Variants in ZNF638 observed in about 807,000 individuals in gnomAD.
The protein encoded by ZNF638 is CTCL tumor antigen se33-1.
ZNF638 carries 46 observed loss-of-function variants against 195.6 expected under a neutral mutation model. That is an observed-to-expected ratio of 0.24 (90% CI 0.19 to 0.30). The LOEUF (loss-of-function observed/expected upper bound fraction) is 0.30. ZNF638 is among the 10% of genes least tolerant of loss of function. ZNF638 has a pLI of 1.00. For synonymous variants in ZNF638, 845 were observed against 772.0 expected (o/e 1.09, Z -1.57); for missense variants, 2,440 against 2,325.3 (o/e 1.05, Z -1.01).
At position 71,426,762 on chromosome 2, in the gene ZNF638, T is replaced by C. The variant is rs1186173154; in HGVS notation, c.4893T>C (p.Asn1631=). Residue 1631 remains asparagine (N), a synonymous_variant, in exon 24 of 28, where the codon AAT becomes AAC. Coordinates refer to ENST00000264447, the MANE Select transcript of ZNF638 (RefSeq NM_014497.5). The stretch of plus-strand genomic sequence containing the variant: ...AAGTAATTGATGAAGAAGAACTAAA[T>C]ATGGAAGAAATGGTAAAAAATTCAA... ...VDEVIDEEEL[N]MEEMVKNSNS... 6.2e-7 allele frequency: 1 copy of C among 1,613,510 alleles called. No homozygotes were observed.
chr2:71,380,342 A>C, intron 9 of ZNF638, 62 bp downstream of exon 9: 1 of 1,319,676 alleles, frequency 7.6e-7, no homozygotes, highest in Non-Finnish European at 1.0e-6. Context: ...AGAAATTTTA[A>C]TTTTTAAAAC....
rs548228712 is a variant in ZNF638 at position 71,423,379 on chromosome 2, A to G, written c.3865A>G (p.Thr1289Ala). ...CIVTLVPGIP[T>A]GDEKTVDKKN... The stretch of plus-strand genomic sequence containing the variant: ...TGTGACGTTAGTACCAGGAATTCCC[A>G]CTGGGGATGAGAAGACAGTGGACAA... Residue 1289 changes from threonine to alanine, a missense_variant, in exon 22 of 28, where the codon ACT becomes GCT. Around this residue, in one of 5 missense-constraint regions of ZNF638, gnomAD observed 1,883 missense variants for 1,739.1 expected, o/e 1.08. Coordinates refer to ENST00000264447, the MANE Select transcript of ZNF638 (RefSeq NM_014497.5). 2.5e-5 allele frequency: 41 copies of G among 1,613,996 alleles called. 1 individual carries two copies. Among genetic ancestry groups the G allele is most frequent in the Middle Eastern group, 3.3e-4 (2 of 6,062 alleles).
chr2:71,381,962 A>C (rs1450908669), intron 10 of ZNF638, among the ~76,000 whole-genome samples: 3 of 152,120 alleles, frequency 2.0e-5, no homozygotes, highest in Non-Finnish European at 1.5e-5. Context: ...ACTGAGAAAA[A>C]ACAGCTGGGC....
chr2:71,387,653 A>T (rs560395344), intron 10 of ZNF638, among the ~76,000 whole-genome samples: 1 of 52,780 alleles, frequency 1.9e-5, no homozygotes, highest in Non-Finnish European at 3.9e-5. Context: ...CAACAGAGCA[A>T]GACTCTCTCA....
At position 71,349,207 on chromosome 2, in the gene ZNF638, G is replaced by A. The variant is rs2078902444; in HGVS notation, c.253G>A (p.Glu85Lys). 1 of 1,614,068 alleles carries A rather than the reference G, an allele frequency of 6.2e-7. No individual in the cohort carries two copies. Among genetic ancestry groups the A allele is most frequent in the African/African-American group, 1.3e-5 (1 of 74,916 alleles). ...CAGAACTGATCCAAGATTGACCAAA[G>A]AAAAACTGGATTTTCATGAAGCACA... ...QHRTDPRLTKEKLDFHEAQQK... is the reference protein window; with the variant it reads ...QHRTDPRLTKKKLDFHEAQQK... Residue 85 changes from glutamate to lysine, a missense_variant, in exon 2 of 28, where the codon GAA (glutamate) becomes AAA (lysine). By Grantham distance (56) the Glu-to-Lys change is moderately conservative (BLOSUM62 1). Around this residue, in one of 5 missense-constraint regions of ZNF638, gnomAD observed 191 missense variants for 173.8 expected, o/e 1.10. Transcript: ENST00000264447.
chr2:71,390,524 C>T (rs1293605491), intron 10 of ZNF638, among the ~76,000 whole-genome samples: 2 of 152,100 alleles, frequency 1.3e-5, no homozygotes, highest in African/African-American at 4.8e-5. Flanking sequence ...GTGTAAAGGT[C>T]TGCATATTCT....
chr2:71,406,013 T>A, intron 18 of ZNF638, 115 bp from the exon 19 acceptor site: 1 of 1,246,444 alleles, frequency 8.0e-7, no homozygotes, highest in Non-Finnish European at 1.1e-6. Context: ...GTCATTTTCT[T>A]ACTCTTGGGA....
chr2:71,430,468 G>A (rs2152608825), intron 25 of ZNF638, among the ~76,000 whole-genome samples: 1 of 152,232 alleles, frequency 6.6e-6, no homozygotes, highest in Middle Eastern at 3.4e-3. Flanking sequence ...CATCCCCTCA[G>A]GAATACTAAA....
chr2:71,399,334 A>G (rs2079959350), intron 12 of ZNF638, among the ~76,000 whole-genome samples: 2 of 152,166 alleles, frequency 1.3e-5, no homozygotes, highest in Non-Finnish European at 2.9e-5. Context: ...CATGAAGGTT[A>G]AACATGTGGC....
At chr2:71,420,770 C>T (rs1234330578) in intron 21 of ZNF638, among the ~76,000 whole-genome samples, 1 of 152,194 alleles carries the variant, frequency 6.6e-6, no homozygotes, top group Non-Finnish European at 1.5e-5. Flanking sequence ...ACATTTCAAA[C>T]TGTCTTTTCA....
chr2:71,398,778 A>G lies in ZNF638; in HGVS notation c.2500+6A>G, dbSNP rs1448845218. 5.0e-6 allele frequency: 8 copies of G among 1,602,828 alleles called. No individual in the cohort carries two copies. The African/African-American group carries it at 8.1e-5, about 16-fold the overall frequency. On this transcript the variant is annotated splice_donor_region_variant and intron_variant, in intron 12 of 27. Transcript: ENST00000264447. ...TAAAGCTTCAATCAAAACAGGTAAG[A>G]CTATTGGGGAGGAGAGATTTTATTG...
chr2:71,406,092 G>A (rs2152579934), intron 18 of ZNF638, 36 bp from the exon 19 acceptor site: 2 of 1,608,898 alleles, frequency 1.2e-6, no homozygotes, highest in East Asian at 2.2e-5. Context: ...TGCTTCAGCT[G>A]TGGTTTTTTC....
intron 25 of ZNF638, 95 bp from the exon 26 acceptor site, chr2:71,431,232 T>C (rs2080651056): frequency 3.7e-6 from 4 of 1,087,064 alleles, no homozygotes; most frequent in Non-Finnish European, 4.0e-6. Context: ...AGGGAGGTTT[T>C]CCCTGAGAAA....
chr2:71,398,893 A>C (rs753095203), intron 12 of ZNF638, 121 bp downstream of exon 12: 2 of 893,356 alleles, frequency 2.2e-6, no homozygotes, highest in Non-Finnish European at 3.4e-6. Context: ...GATATTTAAA[A>C]CCTGACCCAT....
intron 26 of ZNF638, 85 bp downstream of exon 26, chr2:71,431,513 A>C (rs1000292211): frequency 3.4e-6 from 4 of 1,192,760 alleles, no homozygotes; most frequent in Non-Finnish European, 4.8e-6. Context: ...TAATCCCAGC[A>C]CTTCGGGAGG....
chr2:71,388,404 C>A, intron 10 of ZNF638: 1 of 657,322 alleles, frequency 1.5e-6, no homozygotes, highest in South Asian at 1.5e-5. Context: ...TTTGATCATC[C>A]GCGTGCAGGA....
chr2:71,394,023 T>G (rs2079843064), intron 10 of ZNF638, among the ~76,000 whole-genome samples: 1 of 152,154 alleles, frequency 6.6e-6, no homozygotes, highest in Non-Finnish European at 1.5e-5. Context: ...AGTGCCACTT[T>G]CCCCAGCATT....
rs771441321 is a variant in ZNF638 at position 71,350,244 on chromosome 2, G to C, written c.1290G>C (p.Leu430=). The C allele has an allele frequency of 1.9e-6, 3 of 1,601,928 alleles. No homozygotes were observed. The highest frequency in any genetic ancestry group is 1.7e-6 in the Non-Finnish European group (2 of 1,179,810). The part of the protein sequence containing the change: ...SPRIFPHLCS[L]CNVECSHLKD... ...GAATATTTCCACATTTGTGTTCTCT[G>C]TGTAACGTAGAATGTAGTCATTTGA... The change falls in exon 2 of 28, where the codon CTG becomes CTC. Residue 430 remains leucine, a synonymous_variant. Transcript: ENST00000264447.
intron 16 of ZNF638, among the ~76,000 whole-genome samples, chr2:71,403,082 T>C (rs1216753121): frequency 6.6e-6 from 1 of 152,112 alleles, no homozygotes; most frequent in African/African-American, 2.4e-5. Flanking sequence ...TGGAGTTGAG[T>C]AAAATTATTA....
Sources: allele counts gnomAD v4.1 joint callset (sites outside exome capture counted in the v4.1 genomes callset), GRCh38; gene constraint gnomAD v4.1.1; regional missense constraint gnomAD v4.1.1; transcripts MANE v1.5; gene names NCBI Gene and HGNC (gene_info 2026-07-23, HGNC 2026-07-21).